Variants in OTOG observed in about 807,000 individuals in gnomAD.
OTOG encodes otogelin.
OTOG carries 296 observed loss-of-function variants against 313.8 expected under a neutral mutation model. That is an observed-to-expected ratio of 0.94 (90% CI 0.86 to 1.04). OTOG has a LOEUF of 1.04. Among genes scored for constraint, OTOG ranks in the 50% least tolerant of loss-of-function variants. The pLI is 0.00. For synonymous variants in OTOG, 1,533 were observed against 1,554.9 expected (o/e 0.99, Z 0.33); for missense variants, 3,948 against 3,840.1 (o/e 1.03, Z -0.74).
chr11:17,621,823 A>G (rs578178803), intron 39 of OTOG, among the ~76,000 whole-genome samples: 5 of 152,288 alleles, frequency 3.3e-5, no homozygotes, highest in South Asian at 4.1e-4. Flanking sequence ...TGCATTGCCA[A>G]CTGTTCACGT....
chr11:17,641,140 G>T lies in OTOG; in HGVS notation c.8190+49G>T, dbSNP rs542479112. 50 of 1,495,832 alleles carry T rather than the reference G, an allele frequency of 3.3e-5. No individual in the cohort carries two copies. The East Asian group carries it at 1.1e-3, about 32-fold the overall frequency. The allele number at this position is 1,495,832 out of a possible 1,614,324, so 92.7% of individuals were successfully genotyped here. A position where few individuals can be genotyped will look rare whatever the true frequency, so the allele number is the denominator to read the frequency against. The stretch of plus-strand genomic sequence containing the variant: ...TGGGTGGGGTTGGGAGGGCTTGCCT[G>T]GCAGACCTTGGGTGCTCCAGGAGCC... On this transcript the variant is annotated intron_variant, in intron 51 of 55. Transcript: ENST00000399397.
In OTOG at chr11:17,610,135, G is replaced by C; in HGVS notation, c.4835G>C (p.Arg1612Pro). The C allele has an allele frequency of 6.4e-7, 1 of 1,550,504 alleles. No homozygotes were observed. The highest frequency in any genetic ancestry group is 8.7e-7 in the Non-Finnish European group (1 of 1,146,950). Residue 1612 changes from arginine to proline, a missense_variant, in exon 36 of 56, where the codon CGC becomes CCC. Physicochemically the swap from Arg to Pro is moderately radical, Grantham distance 103. Transcript: ENST00000399397. ...TCCTCCCGGTCGCCCCCTGCCCCTC[G>C]CTTCCCGCTCATGACCAAGGCTGTG... ...TVSSRSPPAPRFPLMTKAVTV... is the reference protein window; with the variant it reads ...TVSSRSPPAPPFPLMTKAVTV...
chr11:17,609,572 G>A, intron 35 of OTOG, 83 bp from the exon 36 acceptor site: 1 of 1,260,980 alleles, frequency 7.9e-7, no homozygotes, highest in Non-Finnish European at 1.1e-6. Context: ...CAGTCCTCAA[G>A]CCTCACACCA....
Position 17,610,011 on chromosome 11 carries a change from C to A in OTOG, c.4711C>A (p.Pro1571Thr), listed in dbSNP as rs1181524766. 1.3e-6 allele frequency: 2 copies of A among 1,545,200 alleles called. No individual in the cohort carries two copies. ...IPHTPESSSL[P>T]VALQTPTPGM... ...CCATACACCAGAGTCCTCATCCCTC[C>A]CTGTTGCACTGCAGACACCCACACC... Residue 1571 changes from proline to threonine, a missense_variant, in exon 36 of 56, where the codon CCT becomes ACT. By Grantham distance (38) the Pro-to-Thr change is conservative (BLOSUM62 -1). Coordinates refer to ENST00000399397, the MANE Select transcript of OTOG (RefSeq NM_001292063.2).
Position 17,558,218 on chromosome 11 carries a change from A to G in OTOG, c.899A>G (p.His300Arg), listed in dbSNP as rs189159426. 3.6e-3 allele frequency: 5,525 copies of G among 1,550,464 alleles called. 9 individuals are homozygous for G. Among genetic ancestry groups the G allele is most frequent in the Non-Finnish European group, 4.3e-3 (4,978 of 1,146,928 alleles). Residue 300 changes from histidine (H) to arginine (R), a missense_variant, in exon 9 of 56, where the codon CAC becomes CGC. By Grantham distance (29) the His-to-Arg change is conservative. Transcript: ENST00000399397. ...ACTGACGACGTGGTTGAGTTTGTGCACAGCTGGCAGGAGCAGGCCCCTAAC... is the reference window on the plus strand; with the variant it reads ...ACTGACGACGTGGTTGAGTTTGTGCGCAGCTGGCAGGAGCAGGCCCCTAAC... ...KLTDDVVEFV[H>R]SWQEQAPNQP...
rs979855076 is a variant in OTOG at position 17,558,653 on chromosome 11, G to C, written c.1103+9G>C. 1.9e-6 allele frequency: 3 copies of C among 1,547,970 alleles called. No homozygotes were observed. In the African/African-American group the frequency reaches 4.1e-5, roughly 21 times the overall value. ...ACCAGTGATCTCTGCCAGTGAGTAG[G>C]GGTGGTGTGGGCTATGGGGAACCCT... On this transcript the variant is annotated intron_variant, in intron 10 of 55. Coordinates refer to ENST00000399397, the MANE Select transcript of OTOG (RefSeq NM_001292063.2).
At chr11:17,548,418 C>CTT (rs56402246) in intron 3 of OTOG, among the ~76,000 whole-genome samples, 31 of 87,628 alleles carry the variant, frequency 3.5e-4, no homozygotes, top group East Asian at 1.2e-3. Context: ...ATAGTCCACT[C>CTT]TTTTTTTTTT....
chr11:17,640,097 A>G (rs1847939263), intron 49 of OTOG, among the ~76,000 whole-genome samples: 1 of 152,160 alleles, frequency 6.6e-6, no homozygotes, highest in African/African-American at 2.4e-5. Flanking sequence ...GATGATGTTG[A>G]TGACAATCAT....
At chr11:17,627,276 C>G (rs185315958) in intron 39 of OTOG, among the ~76,000 whole-genome samples, 1 of 151,504 alleles carries the variant, frequency 6.6e-6, no homozygotes, top group Non-Finnish European at 1.5e-5. Context: ...GCTTCTATTA[C>G]TTTGAGGTAT....
At position 17,638,517 on chromosome 11, in the gene OTOG, G is replaced by T; in HGVS notation, c.7862G>T (p.Ser2621Ile). ...GGCACTGCCCTGGTGGAGGTGTGGA[G>T]CCCCGACCGCTGCTGCCCCTACAAA... The part of the protein sequence containing the change: ...GLGTALVEVW[S>I]PDRCCPYKSC... Residue 2621 changes from serine (S) to isoleucine (I), a missense_variant, in exon 48 of 56, where the codon AGC becomes ATC. Coordinates refer to ENST00000399397, the MANE Select transcript of OTOG (RefSeq NM_001292063.2). 1.3e-6 allele frequency: 2 copies of T among 1,550,430 alleles called. No homozygotes were observed. Among genetic ancestry groups the T allele is most frequent in the Non-Finnish European group, 1.7e-6 (2 of 1,147,002 alleles).
chr11:17,629,231 C>T lies in OTOG; in HGVS notation c.6627C>T (p.Asp2209=), dbSNP rs1289558101. 6 of 1,550,642 alleles carry T rather than the reference C, an allele frequency of 3.9e-6. No individual in the cohort carries two copies. The highest frequency in any genetic ancestry group is 1.7e-4 in the Middle Eastern group (1 of 5,992). ...TGTACATGATCCTGACTCCCTCAGA[C>T]ATCCAGATCCAGTGGCTCCACAGCT... ...GHMYMILTPS[D]IQIQWLHSSG... is the part of the protein sequence containing the mutation. The change falls in exon 40 of 56, where the codon GAC becomes GAT. Residue 2209 remains aspartate (D), a synonymous_variant. Transcript: ENST00000399397.
intron 24 of OTOG, among the ~76,000 whole-genome samples, chr11:17,588,207 C>A (rs1423868731): frequency 1.3e-5 from 2 of 152,138 alleles, no homozygotes; most frequent in Non-Finnish European, 2.9e-5. Context: ...CTTTTTAACT[C>A]AGTTGTAAAA....
intron 23 of OTOG, among the ~76,000 whole-genome samples, chr11:17,583,698 T>C (rs2134045205): frequency 6.6e-6 from 1 of 152,336 alleles, no homozygotes; most frequent in African/African-American, 2.4e-5. Context: ...CATGCCAATA[T>C]CCACTCTCTT....
At chr11:17,633,286 G>GC (rs1854176363) in intron 42 of OTOG, among the ~76,000 whole-genome samples, 1 of 152,252 alleles carries the variant, frequency 6.6e-6, no homozygotes, top group African/African-American at 2.4e-5. Flanking sequence ...CTGATCTAGA[G>GC]CAAGGGGTTG....
rs1336967888 is a variant in OTOG at position 17,593,267 on chromosome 11, A to T, written c.3081A>T (p.Lys1027Asn). ...ACAGCTCTGGCATGATCTGCAGGAA[A>T]TTTATTTCCATCAACGTTGGGAACT... ...NCYSSGMICR[K>N]FISINVGNSL... is the part of the protein sequence containing the mutation. Residue 1027 changes from lysine to asparagine, a missense_variant, in exon 26 of 56, where the codon AAA becomes AAT. Coordinates refer to ENST00000399397, the MANE Select transcript of OTOG (RefSeq NM_001292063.2). The T allele has an allele frequency of 6.4e-7, 1 of 1,550,490 alleles. No homozygotes were observed. The highest frequency in any genetic ancestry group is 8.7e-7 in the Non-Finnish European group (1 of 1,146,916).
intron 32 of OTOG, among the ~76,000 whole-genome samples, chr11:17,605,386 G>A (rs2134080412): frequency 6.6e-6 from 1 of 152,288 alleles, no homozygotes; most frequent in East Asian, 1.9e-4. Context: ...GTGAGGAGCA[G>A]GACCAAGCTG....
At chr11:17,638,268 G>C (rs1344252751) in intron 47 of OTOG, among the ~76,000 whole-genome samples, 183 bp from the exon 48 acceptor site, 2 of 152,220 alleles carry the variant, frequency 1.3e-5, no homozygotes, top group East Asian at 3.9e-4. Context: ...CACAGCACCA[G>C]GACCTGAAGT....
chr11:17,616,100 TCTAGA>T (rs922577027), intron 39 of OTOG, among the ~76,000 whole-genome samples: 3 of 152,134 alleles, frequency 2.0e-5, no homozygotes, highest in Non-Finnish European at 2.9e-5. Flanking sequence ...TTCCCTATCA[TCTAGA>T]CTAGAGTGTG....
chr11:17,613,221 TTCTTTCTTTCTTTCTTTCTTTCTTTC>T (rs1411676557), intron 38 of OTOG, among the ~76,000 whole-genome samples: 30 of 133,524 alleles, frequency 2.2e-4, no homozygotes, highest in Admixed American at 6.7e-4. Context: ...CTTTCTTTCT[TTCTTTCTTTCTTTCTTTCTTTCTTTC>T]TTTCTTTCTT....
Sources: gnomAD v4.1 joint callset for allele counts (sites outside exome capture counted in the v4.1 genomes callset) on GRCh38, gnomAD v4.1.1 for gene constraint, MANE v1.5 for transcripts, NCBI Gene and HGNC (gene_info 2026-07-23, HGNC 2026-07-21) for gene names.